The following SH3KBP1 variants were observed in gnomAD, a reference collection of about 807,000 sequenced individuals.
SH3KBP1 encodes the protein SH3 domain-containing kinase-binding protein 1.
A neutral mutation model predicts 50.1 loss-of-function variants in SH3KBP1; 8 were observed. The observed-to-expected ratio is 0.16, with a 90% CI of 0.09 to 0.29. SH3KBP1 has a LOEUF of 0.29. Among genes scored for constraint, SH3KBP1 ranks in the 10% least tolerant of loss-of-function variants. The pLI is 1.00. For synonymous variants in SH3KBP1, 227 were observed against 218.6 expected, an observed-to-expected ratio of 1.04 and a Z score of -0.34; for missense variants, 377 against 535.2, an observed-to-expected ratio of 0.70 and a Z score of 2.92.
chrX:19,703,171 C>A (rs1299885269), intron 4 of SH3KBP1, among the ~76,000 whole-genome samples: 1 of 112,209 alleles, frequency 8.9e-6, no homozygotes, highest in African/African-American at 3.2e-5. Context: ...GCTGTTCACC[C>A]GACTAAGGGT....
intron 2 of SH3KBP1, among the ~76,000 whole-genome samples, chrX:19,763,744 G>A (rs1468828082): frequency 9.0e-6 from 1 of 111,422 alleles, no homozygotes; most frequent in Non-Finnish European, 1.9e-5. Flanking sequence ...AAAGTAGGCC[G>A]GGCACGGTGG....
At position 19,588,724 on chromosome X, in the gene SH3KBP1, G is replaced by A; in HGVS notation, c.1217C>T (p.Pro406Leu). 1 of 1,204,669 alleles carries A rather than the reference G, an allele frequency of 8.3e-7. No individual in the cohort carries two copies. Among genetic ancestry groups the A allele is most frequent in the Non-Finnish European group, 1.1e-6 (1 of 891,941 alleles). Residue 406 changes from proline to leucine, a missense_variant, in exon 12 of 18, where the codon CCT (proline) becomes CTT (leucine). Pro to Leu is a moderately conservative substitution (Grantham distance 98). Transcript: ENST00000397821. ...PAIPPKKPRPPKTNSLSRPGA... is the reference protein window; with the variant it reads ...PAIPPKKPRPLKTNSLSRPGA... ...AGGTCTGCTGAGAGAATTGGTCTTA[G>A]GTGGCCGAGGCTTTTTTGGCGGTAT...
chrX:19,687,413 CCAGG>C (rs910346004), intron 5 of SH3KBP1, among the ~76,000 whole-genome samples: 1 of 112,410 alleles, frequency 8.9e-6, no homozygotes, highest in Non-Finnish European at 1.9e-5. Flanking sequence ...AACAAAAGCG[CCAGG>C]GGCTGGTGCT....
At chrX:19,593,824 G>A (rs1007411004) in intron 10 of SH3KBP1, among the ~76,000 whole-genome samples, 6 of 112,046 alleles carry the variant, frequency 5.4e-5, no homozygotes, top group African/African-American at 1.9e-4. Flanking sequence ...GGTCTTCAGA[G>A]AAAAGTAAAT....
intron 2 of SH3KBP1, among the ~76,000 whole-genome samples, chrX:19,816,801 AAAAAAG>A (rs1381701538): frequency 1.8e-5 from 2 of 111,722 alleles, no homozygotes; most frequent in Non-Finnish European, 3.8e-5. Context: ...GAGCAAAAAC[AAAAAAG>A]ATTTTGTTTT....
chrX:19,763,135 G>A (rs1162794311), intron 2 of SH3KBP1, among the ~76,000 whole-genome samples: 1 of 111,509 alleles, frequency 9.0e-6, no homozygotes, highest in Non-Finnish European at 1.9e-5. Flanking sequence ...GAGCATCACT[G>A]TGCCCATAAC....
At chrX:19,640,953 A>G (rs1032911444) in intron 7 of SH3KBP1, among the ~76,000 whole-genome samples, 1 of 111,394 alleles carries the variant, frequency 9.0e-6, no homozygotes, top group Non-Finnish European at 1.9e-5. Flanking sequence ...CCAATGGGAA[A>G]CCTCTAGAGG....
At chrX:19,554,252 ATATAT>A (rs1349907655) in intron 13 of SH3KBP1, among the ~76,000 whole-genome samples, 5 of 84,737 alleles carry the variant, frequency 5.9e-5, no homozygotes, top group South Asian at 1.0e-3. Context: ...ATATATTAAA[ATATAT>A]TATATATATT....
chrX:19,581,790 C>T (rs781728718), intron 12 of SH3KBP1, among the ~76,000 whole-genome samples: 1 of 105,322 alleles, frequency 9.5e-6, no homozygotes, highest in African/African-American at 3.5e-5. Flanking sequence ...TGCTTCAGAA[C>T]TCATCAGTCA....
intron 7 of SH3KBP1, among the ~76,000 whole-genome samples, chrX:19,639,907 C>CTT (rs377700054): frequency 4.8e-5 from 4 of 83,146 alleles, no homozygotes; most frequent in African/African-American, 9.0e-5. Flanking sequence ...AGAGTTGACT[C>CTT]TTTTTTTTTT....
intron 6 of SH3KBP1, chrX:19,670,947 C>T: frequency 8.8e-7 from 1 of 1,133,938 alleles, no homozygotes; most frequent in Non-Finnish European, 1.2e-6. Flanking sequence ...TTCCTTCCAA[C>T]AGCACGGAGC....
At chrX:19,619,892 G>C (rs2067753355) in intron 8 of SH3KBP1, among the ~76,000 whole-genome samples, 1 of 112,416 alleles carries the variant, frequency 8.9e-6, no homozygotes, top group Admixed American at 9.4e-5. Context: ...AAAGTTGCTA[G>C]GGACCTTGCT....
chrX:19,650,932 A>C lies in SH3KBP1; in HGVS notation c.727-5457T>G, dbSNP rs147730097. Among the ~76,000 whole-genome samples, 657 of 112,266 alleles carry C rather than the reference A, an allele frequency of 5.9e-3. 7 individuals are homozygous for C. Among genetic ancestry groups the C allele is most frequent in the African/African-American group, 0.02 (632 of 30,884 alleles). ...ACAGAGAGCTACAGGACACAGTGACAGGAGGAGGGTCAAAACAGTTATCTA... is the reference window on the plus strand; with the variant it reads ...ACAGAGAGCTACAGGACACAGTGACCGGAGGAGGGTCAAAACAGTTATCTA... On this transcript the variant is annotated intron_variant, in intron 6 of 17. Transcript: ENST00000397821.
At chrX:19,755,637 G>A (rs1012777065) in intron 2 of SH3KBP1, among the ~76,000 whole-genome samples, 14 of 111,255 alleles carry the variant, frequency 1.3e-4, no homozygotes, top group Non-Finnish European at 2.1e-4. Flanking sequence ...AAGAGAGACA[G>A]AACGTCTCAT....
intron 8 of SH3KBP1, among the ~76,000 whole-genome samples, chrX:19,618,794 G>C (rs1360271235): frequency 1.8e-5 from 2 of 108,282 alleles, no homozygotes; most frequent in African/African-American, 6.8e-5. Context: ...TGGACAACAT[G>C]GCAAAACCCC....
intron 14 of SH3KBP1, among the ~76,000 whole-genome samples, chrX:19,547,320 T>C (rs2065114645): frequency 9.0e-6 from 1 of 111,721 alleles, no homozygotes; most frequent in African/African-American, 3.3e-5. Flanking sequence ...TTGAGCAAGC[T>C]CATCTTCAGC....
chrX:19,611,121 A>G (rs1003464502), intron 8 of SH3KBP1, among the ~76,000 whole-genome samples: 22 of 110,633 alleles, frequency 2.0e-4, no homozygotes, highest in African/African-American at 7.2e-4. Flanking sequence ...CCTGGGCTCA[A>G]GGGATCCATC....
At chrX:19,749,997 T>A (rs1362943392) in intron 2 of SH3KBP1, among the ~76,000 whole-genome samples, 1 of 111,386 alleles carries the variant, frequency 9.0e-6, no homozygotes. Flanking sequence ...GCAAACTTGC[T>A]CAAGGTCAGA....
At chrX:19,870,567 A>G (rs935519889) in intron 1 of SH3KBP1, among the ~76,000 whole-genome samples, 1 of 111,725 alleles carries the variant, frequency 9.0e-6, no homozygotes, top group Non-Finnish European at 1.9e-5. Context: ...GCTGGTCTCG[A>G]ACTCCTGGGC....
Sources: allele counts gnomAD v4.1 joint callset (sites outside exome capture counted in the v4.1 genomes callset), GRCh38; gene constraint gnomAD v4.1.1; transcripts MANE v1.5; gene names NCBI Gene and HGNC (gene_info 2026-07-23, HGNC 2026-07-21).